Variants in RYR2 observed in about 807,000 individuals in gnomAD.
The protein encoded by RYR2 is ryanodine receptor 2.
RYR2 carries 227 observed loss-of-function variants against 601.1 expected under a neutral mutation model. The observed-to-expected ratio is 0.38, with a 90% CI of 0.34 to 0.42. The LOEUF is 0.42. RYR2 is among the 10% of genes least tolerant of loss of function. The pLI, the probability that RYR2 is intolerant of heterozygous loss-of-function variation, is 1.00. For missense variants in RYR2, 4,646 were observed against 6,156.5 expected, an observed-to-expected ratio of 0.75 and a Z score of 8.21; for synonymous variants, 2,223 against 2,175.1, an observed-to-expected ratio of 1.02 and a Z score of -0.61.
intron 14 of RYR2, among the ~76,000 whole-genome samples, chr1:237,445,810 CTTTTTCTTTTCCT>C (rs1037849003): frequency 1.3e-5 from 2 of 151,694 alleles, no homozygotes; most frequent in African/African-American, 4.8e-5. Flanking sequence ...TATTTAGTTC[CTTTTTCTTTTCCT>C]TTTTTCTTTT....
intron 1 of RYR2, among the ~76,000 whole-genome samples, chr1:237,258,467 C>T (rs1688211782): frequency 1.3e-5 from 2 of 151,970 alleles, no homozygotes; most frequent in South Asian, 4.2e-4. Flanking sequence ...CTTGACAGTG[C>T]CACTTATCAA....
intron 1 of RYR2, among the ~76,000 whole-genome samples, chr1:237,183,789 T>C (rs978242969): frequency 6.6e-6 from 1 of 152,148 alleles, no homozygotes; most frequent in Admixed American, 6.5e-5. Context: ...TGACCTTTGC[T>C]AAAATGCCGG....
At chr1:237,327,230 G>A (rs998712975) in intron 2 of RYR2, among the ~76,000 whole-genome samples, 4 of 152,014 alleles carry the variant, frequency 2.6e-5, no homozygotes, top group African/African-American at 9.7e-5. Context: ...GAGAAAGCAT[G>A]GTGAAGATGA....
intron 22 of RYR2, among the ~76,000 whole-genome samples, chr1:237,505,495 T>C (rs1665127376): frequency 6.6e-6 from 1 of 152,236 alleles, no homozygotes; most frequent in African/African-American, 2.4e-5. Flanking sequence ...TTTTATATCA[T>C]GTTGTTAAAA....
rs889571963 is a variant in RYR2 at position 237,647,988 on chromosome 1, C to T, written c.7343-456C>T. Among the ~76,000 whole-genome samples the T allele has an allele frequency of 3.3e-5, 5 of 152,158 alleles. 1 individual carries two copies. Among genetic ancestry groups the T allele is most frequent in the African/African-American group, 4.8e-5 (2 of 41,438 alleles). On this transcript the variant is annotated intron_variant, in intron 48 of 104. Coordinates refer to ENST00000366574, the MANE Select transcript of RYR2 (RefSeq NM_001035.3). ...CCATACTGGTTTTATAGTGTCATTT[C>T]ATCATTTCGTTATTGTTCTAAGACG...
intron 29 of RYR2, among the ~76,000 whole-genome samples, chr1:237,587,920 T>C (rs538409433): frequency 1.3e-5 from 2 of 152,340 alleles, no homozygotes; most frequent in South Asian, 4.1e-4. Context: ...AATGTTTCTA[T>C]CTTGGTAGCT....
intron 84 of RYR2, among the ~76,000 whole-genome samples, chr1:237,765,794 T>G (rs1231577179): frequency 3.9e-5 from 6 of 152,208 alleles, no homozygotes; most frequent in South Asian, 4.1e-4. Context: ...TCCTTGCAGT[T>G]TTTAAACTTT....
chr1:237,220,325 C>T (rs870872), intron 1 of RYR2, among the ~76,000 whole-genome samples: 22,828 of 152,212 alleles, frequency 0.15, 2,114 homozygotes, highest in Non-Finnish European at 0.21. Context: ...CATCCCAGTC[C>T]GGTTTCTTTG....
chr1:237,148,705 T>C (rs1008001914), intron 1 of RYR2, among the ~76,000 whole-genome samples: 1 of 151,826 alleles, frequency 6.6e-6, no homozygotes, highest in African/African-American at 2.4e-5. Context: ...TTCAATCCTG[T>C]TTCTGGCTGT....
At chr1:237,346,384 A>AAAAAAAAAAAAAAAAAAAAAAAAAAT (rs1558659601) in intron 3 of RYR2, among the ~76,000 whole-genome samples, 3 of 151,342 alleles carry the variant, frequency 2.0e-5, no homozygotes, top group Non-Finnish European at 4.4e-5. Flanking sequence ...AAAAAAAAAA[A>AAAAAAAAAAAAAAAAAAAAAAAAAAT]GTGCATATCC....
At chr1:237,504,675 G>A (rs961999099) in intron 22 of RYR2, among the ~76,000 whole-genome samples, 4 of 152,174 alleles carry the variant, frequency 2.6e-5, no homozygotes, top group African/African-American at 7.2e-5. Flanking sequence ...AGGTATAATA[G>A]TGTTAAGATG....
At chr1:237,460,996 G>A (rs766411611) in intron 16 of RYR2, among the ~76,000 whole-genome samples, 3 of 151,866 alleles carry the variant, frequency 2.0e-5, no homozygotes, top group African/African-American at 7.3e-5. Context: ...TTGTTGTTTT[G>A]CTTTTCAAAG....
At chr1:237,095,204 A>G (rs1369684646) in intron 1 of RYR2, among the ~76,000 whole-genome samples, 4 of 152,234 alleles carry the variant, frequency 2.6e-5, no homozygotes, top group African/African-American at 9.6e-5. Flanking sequence ...GGTATCTAAG[A>G]CAAACTTTCT....
chr1:237,229,868 C>A (rs1241247788), intron 1 of RYR2, among the ~76,000 whole-genome samples: 1 of 152,208 alleles, frequency 6.6e-6, no homozygotes, highest in African/African-American at 2.4e-5. Context: ...AACCCTGCGT[C>A]CACTCTGACT....
chr1:237,198,439 GATTT>G (rs78898348), intron 1 of RYR2, among the ~76,000 whole-genome samples: 1 of 54,886 alleles, frequency 1.8e-5, no homozygotes, highest in Non-Finnish European at 3.5e-5. Flanking sequence ...GTGTTTCCTT[GATTT>G]TTTTTTTTTT....
chr1:237,788,085 C>T lies in RYR2; in HGVS notation c.13426C>T (p.Pro4476Ser), dbSNP rs1277251368. Residue 4476 changes from proline to serine, a missense_variant, in exon 92 of 105, where the codon CCA becomes TCA. Pro to Ser is a moderately conservative substitution (Grantham distance 74). Around this residue, in one of 17 missense-constraint regions of RYR2, gnomAD observed 364 missense variants for 442.9 expected, o/e 0.82. Coordinates refer to ENST00000366574, the MANE Select transcript of RYR2 (RefSeq NM_001035.3). ...HTHRYGEPEV[P>S]ESAFWKKIIA... ...ACACAGATACGGAGAACCAGAAGTG[C>T]CAGAGTCAGCATTCTGGAAGAAAAT... 2 of 1,611,990 alleles carry T rather than the reference C, an allele frequency of 1.2e-6. No homozygotes were observed. Among genetic ancestry groups the T allele is most frequent in the African/African-American group, 1.3e-5 (1 of 74,954 alleles).
intron 17 of RYR2, among the ~76,000 whole-genome samples, chr1:237,487,471 A>G (rs1361833127): frequency 6.7e-6 from 1 of 149,558 alleles, no homozygotes; most frequent in Non-Finnish European, 1.5e-5. Context: ...TAATTTCAGC[A>G]CTTTGGGAGG....
intron 16 of RYR2, among the ~76,000 whole-genome samples, chr1:237,466,720 C>T (rs1660123782): frequency 6.6e-6 from 1 of 151,882 alleles, no homozygotes; most frequent in Non-Finnish European, 1.5e-5. Flanking sequence ...CACCCAATTG[C>T]TTAGCAATTA....
intron 3 of RYR2, among the ~76,000 whole-genome samples, chr1:237,350,809 A>C (rs1268075878): frequency 6.6e-6 from 1 of 151,700 alleles, no homozygotes; most frequent in African/African-American, 2.4e-5. Flanking sequence ...AATTATCAGG[A>C]GATCTCAATC....
Sources: allele counts gnomAD v4.1 joint callset (sites outside exome capture counted in the v4.1 genomes callset), GRCh38; gene constraint gnomAD v4.1.1; regional missense constraint gnomAD v4.1.1; transcripts MANE v1.5; gene names NCBI Gene and HGNC (gene_info 2026-07-23, HGNC 2026-07-21).